Variants in AKAIN1 observed in about 807,000 individuals in gnomAD.
AKAIN1 encodes the protein A-kinase anchor inhibitor 1.
AKAIN1 carries 3 observed loss-of-function variants against 3.7 expected under a neutral mutation model. That is an observed-to-expected ratio of 0.82 (90% confidence interval 0.37 to 2.12). The LOEUF is 2.12. Ranked by LOEUF, AKAIN1 falls within the 30% of genes most tolerant of loss-of-function variation. AKAIN1 has a pLI of 0.06. For synonymous variants in AKAIN1, 31 were observed against 30.8 expected (o/e 1.01, Z -0.02); for missense variants, 82 against 82.7 (o/e 0.99, Z 0.03).
chr18:5,176,854 G>A (rs2071229532), intron 1 of AKAIN1, among the ~76,000 whole-genome samples: 1 of 151,646 alleles, frequency 6.6e-6, no homozygotes, highest in Admixed American at 6.6e-5. Flanking sequence ...ATACTGCTTG[G>A]AAATTCTAAT....
At chr18:5,175,704 A>G (rs753847368) in intron 1 of AKAIN1, among the ~76,000 whole-genome samples, 2 of 152,182 alleles carry the variant, frequency 1.3e-5, no homozygotes, top group Admixed American at 6.5e-5. Flanking sequence ...ATGAAACTCA[A>G]CTTGTACAAT....
At chr18:5,168,820 T>C (rs1390992062) in intron 1 of AKAIN1, among the ~76,000 whole-genome samples, 2 of 149,144 alleles carry the variant, frequency 1.3e-5, no homozygotes, top group East Asian at 3.9e-4. Flanking sequence ...TTGGATGACA[T>C]GCATAATAAA....
At chr18:5,191,901 C>T (rs2071320575) in intron 1 of AKAIN1, among the ~76,000 whole-genome samples, 1 of 152,142 alleles carries the variant, frequency 6.6e-6, no homozygotes, top group Non-Finnish European at 1.5e-5. Flanking sequence ...ATCTTATGCA[C>T]ATAGCCTATA....
At chr18:5,146,824 A>C (rs1386957220) in intron 1 of AKAIN1, among the ~76,000 whole-genome samples, 1 of 152,190 alleles carries the variant, frequency 6.6e-6, no homozygotes, top group Non-Finnish European at 1.5e-5. Context: ...CATTCAATAA[A>C]ACTTTATTTA....
chr18:5,167,884 A>G (rs959569502), intron 1 of AKAIN1, among the ~76,000 whole-genome samples: 1 of 152,042 alleles, frequency 6.6e-6, no homozygotes, highest in African/African-American at 2.4e-5. Flanking sequence ...CCTTTATTGA[A>G]TACTTCCTCT....
rs148703559 is a variant in AKAIN1 at position 5,179,423 on chromosome 18, GTA to G, written c.16+17613_16+17614del. On this transcript the variant is annotated intron_variant, in intron 1 of 1. Transcript: ENST00000434239. ...TATATGTATGTATGTATGTATGTGT[GTA>G]TATATATATATATGTATACCATATT... Among the ~76,000 whole-genome samples, 59 of 149,412 alleles carry G rather than the reference GTA, an allele frequency of 3.9e-4. 1 individual carries two copies. The highest frequency in any genetic ancestry group is 6.9e-3 in the Middle Eastern group (2 of 290).
At chr18:5,182,904 T>C (rs1358030284) in intron 1 of AKAIN1, among the ~76,000 whole-genome samples, 4 of 152,092 alleles carry the variant, frequency 2.6e-5, no homozygotes, top group Admixed American at 2.0e-4. Context: ...GAGCATCTTA[T>C]ATCCTCTAAC....
intron 1 of AKAIN1, among the ~76,000 whole-genome samples, chr18:5,160,259 G>A (rs1215939194): frequency 6.6e-6 from 1 of 152,124 alleles, no homozygotes; most frequent in Non-Finnish European, 1.5e-5. Flanking sequence ...CCTAGTATGT[G>A]TCATCATTTT....
intron 1 of AKAIN1, among the ~76,000 whole-genome samples, chr18:5,148,154 A>G (rs2071059785): frequency 6.6e-6 from 1 of 152,218 alleles, no homozygotes; most frequent in African/African-American, 2.4e-5. Flanking sequence ...GTGTTAGGGA[A>G]TAGACTAAGC....
At chr18:5,191,518 C>T (rs1875135366) in intron 1 of AKAIN1, among the ~76,000 whole-genome samples, 1 of 152,070 alleles carries the variant, frequency 6.6e-6, no homozygotes, top group Non-Finnish European at 1.5e-5. Context: ...AGAGACACAT[C>T]TGTTTATGAA....
intron 1 of AKAIN1, among the ~76,000 whole-genome samples, chr18:5,176,928 T>C (rs186763478): frequency 6.6e-6 from 1 of 152,136 alleles, no homozygotes; most frequent in African/African-American, 2.4e-5. Flanking sequence ...AAAGTCTTCA[T>C]GTACTTCCAA....
rs771352396 is a variant in AKAIN1 at position 5,197,078 on chromosome 18, C to A, written c.-25G>T. Reference sequence around the variant, plus strand: ...TGATTTCTTCCAGCCGCTACGCCCCCAGATTAAGAGAGAAAGACAGGCAGA... The same window carrying A: ...TGATTTCTTCCAGCCGCTACGCCCCAAGATTAAGAGAGAAAGACAGGCAGA... On this transcript the variant is annotated 5_prime_UTR_variant, in exon 1 of 2. Coordinates refer to ENST00000434239, the MANE Select transcript of AKAIN1 (RefSeq NM_001145194.2). The surrounding 1 kb of genome is among the most constrained non-coding windows in gnomAD (Gnocchi z 6.9). 6 of 1,551,570 alleles carry A rather than the reference C, an allele frequency of 3.9e-6. No homozygotes were observed. The Admixed American group carries it at 1.2e-4, about 30-fold the overall frequency.
At chr18:5,160,947 G>GCCT (rs766138276) in intron 1 of AKAIN1, among the ~76,000 whole-genome samples, 22,505 of 151,772 alleles carry the variant, frequency 0.15, 2,155 homozygotes, top group Non-Finnish European at 0.21. Context: ...TTAAATACTA[G>GCCT]TACTTTATAA....
Position 5,151,383 on chromosome 18 carries a change from C to G in AKAIN1, c.17-5628G>C, listed in dbSNP as rs137956075. Among the ~76,000 whole-genome samples the G allele has an allele frequency of 3.7e-3, 569 of 152,258 alleles. 4 individuals are homozygous for G. The highest frequency in any genetic ancestry group is 0.013 in the African/African-American group (547 of 41,548). On this transcript the variant is annotated intron_variant, in intron 1 of 1. Coordinates refer to ENST00000434239, the MANE Select transcript of AKAIN1 (RefSeq NM_001145194.2). ...AAATCTCACTCATCTACACCAACTGCAAATAAAGCAAACCCAGGAGCCCTG... is the reference window on the plus strand; with the variant it reads ...AAATCTCACTCATCTACACCAACTGGAAATAAAGCAAACCCAGGAGCCCTG...
chr18:5,174,017 C>T (rs913056398), intron 1 of AKAIN1, among the ~76,000 whole-genome samples: 2 of 152,126 alleles, frequency 1.3e-5, no homozygotes, highest in Non-Finnish European at 2.9e-5. Context: ...AGAGCCCTCC[C>T]CTTGTATTCA....
rs149693875 is a variant in AKAIN1, at chr18:5,179,169, T to C, written c.16+17869A>G. Among the ~76,000 whole-genome samples the C allele has an allele frequency of 7.5e-3, 1,137 of 152,254 alleles. 11 individuals carry two copies. The highest frequency in any genetic ancestry group is 0.013 in the Non-Finnish European group (913 of 67,994). ...TCACCTGAATAGTAGATTGTACCCA[T>C]TAAGTAATTTCTTATCTCGCACCCA... On this transcript the variant is annotated intron_variant, in intron 1 of 1. Coordinates refer to ENST00000434239, the MANE Select transcript of AKAIN1 (RefSeq NM_001145194.2).
At chr18:5,152,104 G>T (rs2071083022) in intron 1 of AKAIN1, among the ~76,000 whole-genome samples, 1 of 152,160 alleles carries the variant, frequency 6.6e-6, no homozygotes. Context: ...AGGTTGACAG[G>T]AATTGAATGC....
chr18:5,176,621 G>A (rs191072375), intron 1 of AKAIN1, among the ~76,000 whole-genome samples: 3 of 152,074 alleles, frequency 2.0e-5, no homozygotes, highest in African/African-American at 4.8e-5. Flanking sequence ...CCAATGTTTG[G>A]TGTTTTTCTG....
At chr18:5,178,700 T>C (rs939933072) in intron 1 of AKAIN1, among the ~76,000 whole-genome samples, 2 of 152,146 alleles carry the variant, frequency 1.3e-5, no homozygotes, top group Admixed American at 6.5e-5. Flanking sequence ...AAGTTAGATC[T>C]GAACTTCTCA....
Sources: allele counts gnomAD v4.1 joint callset (sites outside exome capture counted in the v4.1 genomes callset), GRCh38; gene constraint gnomAD v4.1.1; non-coding constraint Gnocchi (gnomAD v3.1); transcripts MANE v1.5; gene names NCBI Gene and HGNC (gene_info 2026-07-23, HGNC 2026-07-21).